Variants in NCOA2 observed in about 807,000 individuals in gnomAD.
NCOA2 encodes the protein class E basic helix-loop-helix protein 75.
A neutral mutation model predicts 145.1 loss-of-function variants in NCOA2; 21 were observed. The observed-to-expected ratio is 0.14, with a 90% CI of 0.10 to 0.21. NCOA2 has a LOEUF of 0.21. Ranked by LOEUF, NCOA2 falls within the 10% of genes least tolerant of loss-of-function variation. NCOA2 has a pLI of 1.00. For missense variants in NCOA2, 1,472 were observed against 1,837.6 expected, an observed-to-expected ratio of 0.80 and a Z score of 3.64; for synonymous variants, 619 against 637.5, an observed-to-expected ratio of 0.97 and a Z score of 0.44.
chr8:70,350,365 T>C (rs560358537), intron 1 of NCOA2, among the ~76,000 whole-genome samples: 5 of 152,286 alleles, frequency 3.3e-5, no homozygotes, highest in African/African-American at 1.2e-4. Context: ...TGCTCACTCA[T>C]TATCTGCAGT....
chr8:70,442,116 G>GAAGAAAGAAAGAAAGA, the NCOA2 span, among the ~76,000 whole-genome samples: 2,198 of 82,354 alleles, frequency 0.027, 60 homozygotes, highest in Middle Eastern at 0.04. Context: ...GAGAAAGAAA[G>GAAGAAAGAAAGAAAGA]AAGAAAGAAA....
the NCOA2 span, among the ~76,000 whole-genome samples, chr8:70,456,007 G>A: frequency 6.6e-6 from 1 of 151,180 alleles, no homozygotes; most frequent in Non-Finnish European, 1.5e-5. Context: ...CACTTTGCAT[G>A]CAAATATTTA....
intron 22 of NCOA2, 23 bp downstream of exon 22, chr8:70,121,279 T>G (rs1345365942): frequency 6.3e-7 from 1 of 1,585,798 alleles, no homozygotes; most frequent in Non-Finnish European, 8.6e-7. Context: ...TCCATATTCA[T>G]ATATTTCACT....
At chr8:70,295,969 A>T (rs1439193287) in intron 2 of NCOA2, among the ~76,000 whole-genome samples, 2 of 152,308 alleles carry the variant, frequency 1.3e-5, no homozygotes, top group East Asian at 3.9e-4. Flanking sequence ...AAATAAGCTT[A>T]ATAAACTATT....
At chr8:70,436,532 A>G in the NCOA2 span, among the ~76,000 whole-genome samples, 20 of 152,296 alleles carry the variant, frequency 1.3e-4, no homozygotes, top group East Asian at 2.3e-3. Flanking sequence ...CAGGTATGTC[A>G]TATCTCCTCC....
rs34990647 is a variant in NCOA2, at chr8:70,203,261, C to CAAAAAAAAAAAAAAAA, written c.259+10641_259+10642insTTTTTTTTTTTTTTTT. Among the ~76,000 whole-genome samples, 5 of 121,906 alleles carry CAAAAAAAAAAAAAAAA rather than the reference C, an allele frequency of 4.1e-5. 1 individual carries two copies. The highest frequency in any genetic ancestry group is 4.5e-4 in the East Asian group (2 of 4,490). The allele number at this position is 121,906 out of a possible 152,430, so 80.0% of individuals were successfully genotyped here. A position where few individuals can be genotyped will look rare whatever the true frequency, so the allele number is the denominator to read the frequency against. On this transcript the variant is annotated intron_variant, in intron 4 of 22. Transcript: ENST00000452400. ...CTGGTGATAGAACAAGACTCTGTCT[C>CAAAAAAAAAAAAAAAA]AAAAAAAAAAAGAAAAAAGAAAGAG...
chr8:70,371,275 T>A (rs1351681559), intron 1 of NCOA2, among the ~76,000 whole-genome samples: 1 of 151,788 alleles, frequency 6.6e-6, no homozygotes. Flanking sequence ...GGTGACAGAG[T>A]GAGACTCAGT....
At chr8:70,321,817 T>C (rs2136171240) in intron 1 of NCOA2, among the ~76,000 whole-genome samples, 1 of 145,300 alleles carries the variant, frequency 6.9e-6, no homozygotes, top group African/African-American at 2.6e-5. Flanking sequence ...TTTTTTTTTT[T>C]TTTTGGTGAA....
chr8:70,312,510 T>C (rs1327432017), intron 1 of NCOA2, among the ~76,000 whole-genome samples: 1 of 151,816 alleles, frequency 6.6e-6, no homozygotes, highest in African/African-American at 2.4e-5. Flanking sequence ...GACTGATATA[T>C]ACTTCAGACT....
chr8:70,368,756 C>G (rs1336927723), intron 1 of NCOA2, among the ~76,000 whole-genome samples: 1 of 152,154 alleles, frequency 6.6e-6, no homozygotes, highest in African/African-American at 2.4e-5. Context: ...ATTAATGCTG[C>G]TGCACAGTTT....
At chr8:70,411,858 G>T in the NCOA2 span, among the ~76,000 whole-genome samples, 1 of 152,232 alleles carries the variant, frequency 6.6e-6, no homozygotes, top group Non-Finnish European at 1.5e-5. Context: ...ACATGAGAGA[G>T]ATTTGGGGAT....
intron 4 of NCOA2, among the ~76,000 whole-genome samples, chr8:70,182,251 C>G (rs528550294): frequency 1.3e-5 from 2 of 152,342 alleles, no homozygotes; most frequent in Admixed American, 1.3e-4. Flanking sequence ...TTGCCTCCCT[C>G]TTTTTCTGAC....
chr8:70,410,758 C>T, the NCOA2 span, among the ~76,000 whole-genome samples: 1 of 152,190 alleles, frequency 6.6e-6, no homozygotes, highest in African/African-American at 2.4e-5. Context: ...TATGCAATAA[C>T]ATGAATGAAT....
chr8:70,135,370 T>A, intron 15 of NCOA2, among the ~76,000 whole-genome samples: 1 of 152,306 alleles, frequency 6.6e-6, no homozygotes, highest in East Asian at 1.9e-4. Context: ...AAGCATTGCA[T>A]CCTCTACCTC....
rs1000350035 is a variant in NCOA2 at position 70,352,926 on chromosome 8, G to A, written c.-77+50774C>T. Among the ~76,000 whole-genome samples, 9 of 152,054 alleles carry A rather than the reference G, an allele frequency of 5.9e-5. No individual in the cohort carries two copies. The East Asian group carries it at 1.4e-3, about 23-fold the overall frequency. ...TCCTGGCAGCAGATAACACCCATAA[G>A]AGCTTATTTTGCTACTACCTTAGTA... On this transcript the variant is annotated intron_variant, in intron 1 of 22. Coordinates refer to ENST00000452400, the MANE Select transcript of NCOA2 (RefSeq NM_006540.4).
the NCOA2 span, among the ~76,000 whole-genome samples, chr8:70,416,195 G>GTTTTTTT: frequency 7.4e-6 from 1 of 135,692 alleles, no homozygotes. Context: ...CAGTTTTTTT[G>GTTTTTTT]TTTTTTTTTT....
At chr8:70,307,959 G>A (rs1828022725) in intron 1 of NCOA2, among the ~76,000 whole-genome samples, 1 of 152,122 alleles carries the variant, frequency 6.6e-6, no homozygotes, top group Middle Eastern at 3.4e-3. Flanking sequence ...GCTTTTCATA[G>A]GAGCCATTAA....
chr8:70,443,611 A>ATCAGACT, the NCOA2 span, among the ~76,000 whole-genome samples: 4 of 152,222 alleles, frequency 2.6e-5, no homozygotes, highest in South Asian at 8.3e-4. Flanking sequence ...CTCAGGCTGG[A>ATCAGACT]GTGCACTGGC....
At chr8:70,354,657 T>C (rs1338062444) in intron 1 of NCOA2, among the ~76,000 whole-genome samples, 1 of 152,192 alleles carries the variant, frequency 6.6e-6, no homozygotes, top group Admixed American at 6.5e-5. Context: ...TCCAAGTCTC[T>C]TGACAATGGT....
Sources: gnomAD v4.1 joint callset for allele counts (sites outside exome capture counted in the v4.1 genomes callset) on GRCh38, gnomAD v4.1.1 for gene constraint, MANE v1.5 for transcripts, NCBI Gene and HGNC (gene_info 2026-07-23, HGNC 2026-07-21) for gene names.